Variants in MTFR1 observed in about 807,000 individuals in gnomAD.
MTFR1 encodes chondrocyte protein with a poly-proline region.
In MTFR1, 28 loss-of-function variants were observed where a neutral mutation model predicts 38.8. That is an observed-to-expected ratio of 0.72 (90% CI 0.53 to 0.99). MTFR1 has a LOEUF of 0.99. Among genes scored for constraint, MTFR1 ranks in the 50% least tolerant of loss-of-function variants. The pLI is 0.00. For missense variants in MTFR1, 358 were observed against 395.5 expected (o/e 0.91, Z 0.81); for synonymous variants, 145 against 137.0 (o/e 1.06, Z -0.41).
At position 65,690,035 on chromosome 8, in the gene MTFR1, G is replaced by A. The variant is rs188764785; in HGVS notation, c.166-3609G>A. Among the ~76,000 whole-genome samples the A allele has an allele frequency of 2.2e-3, 335 of 152,230 alleles. 1 individual carries two copies. The highest frequency in any genetic ancestry group is 7.7e-3 in the African/African-American group (322 of 41,558). ...AAGGCTTAAGTAAGATCCAAATTAAGTCCGTGGAATAGTTTGTTGTATCTT... is the reference window on the plus strand; with the variant it reads ...AAGGCTTAAGTAAGATCCAAATTAAATCCGTGGAATAGTTTGTTGTATCTT... On this transcript the variant is annotated intron_variant, in intron 3 of 7. Coordinates refer to ENST00000262146, the MANE Select transcript of MTFR1 (RefSeq NM_014637.4).
chr8:65,708,339 G>A, intron 7 of MTFR1: 2 of 384,370 alleles, frequency 5.2e-6, no homozygotes, highest in Admixed American at 4.0e-5. Context: ...TTTCTATGCA[G>A]GGTTATATTT....
chr8:65,697,337 C>T (rs879852342), intron 4 of MTFR1, among the ~76,000 whole-genome samples: 20 of 152,180 alleles, frequency 1.3e-4, no homozygotes, highest in African/African-American at 2.7e-4. Flanking sequence ...AGAATGGCCA[C>T]GGGCGTGCAC....
chr8:65,723,540 C>T, intron 3 of MTFR1: 1 of 1,555,018 alleles, frequency 6.4e-7, no homozygotes, highest in Non-Finnish European at 8.7e-7. Flanking sequence ...TGTATAGTTA[C>T]CAATCTGGAT....
intron 1 of MTFR1, among the ~76,000 whole-genome samples, chr8:65,664,671 A>G (rs1486798354): frequency 7.1e-6 from 1 of 140,650 alleles, no homozygotes; most frequent in Non-Finnish European, 1.5e-5. Context: ...ACCTCAGCCC[A>G]TTGCAACTTT....
exon 4 of MTFR1, chr8:65,771,035 G>T: frequency 2.6e-6 from 1 of 382,774 alleles, no homozygotes; most frequent in Non-Finnish European, 5.2e-6. Flanking sequence ...AAGAGAATAA[G>T]GACTATGACA....
intron 3 of MTFR1, among the ~76,000 whole-genome samples, chr8:65,687,968 C>T (rs1261545168): frequency 2.0e-5 from 3 of 151,866 alleles, no homozygotes; most frequent in Admixed American, 6.6e-5. Flanking sequence ...GGTGTGATGG[C>T]ACGTGCCTGT....
At chr8:65,720,917 GC>G in intron 3 of MTFR1, among the ~76,000 whole-genome samples, 1 of 152,240 alleles carries the variant, frequency 6.6e-6, no homozygotes, top group African/African-American at 2.4e-5. Context: ...TACCCACATG[GC>G]CCTTATTATT....
At chr8:65,673,699 C>G (rs2129051875) in intron 2 of MTFR1, among the ~76,000 whole-genome samples, 1 of 151,730 alleles carries the variant, frequency 6.6e-6, no homozygotes, top group East Asian at 1.9e-4. Context: ...GTCAGGAGTT[C>G]AAGACCAGCC....
intron 3 of MTFR1, among the ~76,000 whole-genome samples, chr8:65,685,857 A>G (rs1014396243): frequency 1.3e-5 from 2 of 152,216 alleles, no homozygotes; most frequent in Non-Finnish European, 2.9e-5. Flanking sequence ...GGTCTCTCTA[A>G]AGGAATGACA....
intron 3 of MTFR1, among the ~76,000 whole-genome samples, chr8:65,733,106 C>A (rs534301546): frequency 6.6e-6 from 1 of 152,220 alleles, no homozygotes; most frequent in Admixed American, 6.5e-5. Flanking sequence ...TTAATTGAAG[C>A]CTTGGGTAAA....
intron 2 of MTFR1, chr8:65,717,458 C>A (rs1806188301): frequency 6.6e-6 from 1 of 152,216 alleles, no homozygotes; most frequent in South Asian, 2.1e-4. Flanking sequence ...GAACAAAAGG[C>A]CTGGCTCAAA....
intron 6 of MTFR1, 96 bp downstream of exon 6, chr8:65,707,352 C>T (rs1189245452): frequency 1.5e-6 from 2 of 1,291,296 alleles, no homozygotes; most frequent in Non-Finnish European, 2.1e-6. Context: ...ACATGACTGC[C>T]ATGAATAGTT....
intron 1 of MTFR1, among the ~76,000 whole-genome samples, chr8:65,660,978 T>TA (rs1449950630): frequency 6.6e-6 from 1 of 152,176 alleles, no homozygotes; most frequent in African/African-American, 2.4e-5. Flanking sequence ...GAAAAGGCTA[T>TA]ATACTGTGTG....
intron 3 of MTFR1, among the ~76,000 whole-genome samples, chr8:65,764,274 A>C (rs541390202): frequency 6.6e-6 from 1 of 152,348 alleles, no homozygotes; most frequent in African/African-American, 2.4e-5. Context: ...TATGACTTCA[A>C]GAGAAATGAA....
intron 2 of MTFR1, among the ~76,000 whole-genome samples, chr8:65,671,428 G>A (rs1305926262): frequency 6.6e-6 from 1 of 151,812 alleles, no homozygotes; most frequent in East Asian, 1.9e-4. Context: ...CCAGCTATTC[G>A]GGAGGCTGAG....
chr8:65,771,835 A>G (rs1809099765), downstream of MTFR1, among the ~76,000 whole-genome samples: 1 of 143,826 alleles, frequency 7.0e-6, no homozygotes, highest in Non-Finnish European at 1.5e-5. Context: ...CGATTGAGCC[A>G]CTGCACTCCA....
At chr8:65,770,152 TG>T (rs1563499615) in intron 3 of MTFR1, among the ~76,000 whole-genome samples, 1 of 143,548 alleles carries the variant, frequency 7.0e-6, no homozygotes, top group African/African-American at 2.5e-5. Context: ...TGTGTGTGTG[TG>T]TGTGTGTGTG....
downstream of MTFR1, among the ~76,000 whole-genome samples, chr8:65,774,313 G>A (rs1458236200): frequency 8.6e-6 from 1 of 116,624 alleles, no homozygotes; most frequent in African/African-American, 5.6e-5. Flanking sequence ...CATTTATAGT[G>A]AGAATATTAT....
At chr8:65,732,478 G>A (rs10808746) in intron 3 of MTFR1, among the ~76,000 whole-genome samples, 90,831 of 152,066 alleles carry the variant, frequency 0.6, 29,885 homozygotes, top group African/African-American at 0.89. Context: ...ACGTGATGCT[G>A]TGCAAAGGCT....
Sources: gnomAD v4.1 joint callset for allele counts (sites outside exome capture counted in the v4.1 genomes callset) on GRCh38, gnomAD v4.1.1 for gene constraint, MANE v1.5 for transcripts, NCBI Gene and HGNC (gene_info 2026-07-23, HGNC 2026-07-21) for gene names.